The following DTNA variants were observed in gnomAD, a reference collection of about 807,000 sequenced individuals.
The protein encoded by DTNA is dystrophin-related protein 3.
Under a neutral mutation model 100.7 loss-of-function variants are expected in DTNA, and 43 were observed. That is an observed-to-expected ratio of 0.43 (90% CI 0.33 to 0.55). The LOEUF (loss-of-function observed/expected upper bound fraction) is 0.55. Ranked by LOEUF, DTNA falls within the 20% of genes least tolerant of loss-of-function variation. DTNA has a pLI of 0.04. For synonymous variants in DTNA, 349 were observed against 347.9 expected, an observed-to-expected ratio of 1.00 and a Z score of -0.04; for missense variants, 798 against 953.9, an observed-to-expected ratio of 0.84 and a Z score of 2.15.
intron 8 of DTNA, 46 bp from the exon 9 acceptor site, chr18:34,820,745 C>T (rs764409554): frequency 1.2e-6 from 2 of 1,611,858 alleles, no homozygotes; most frequent in South Asian, 2.2e-5. Context: ...TAAAATATTA[C>T]ATAAATATTA....
chr18:34,508,812 AT>A (rs1178178162), intron 1 of DTNA, among the ~76,000 whole-genome samples: 1 of 152,148 alleles, frequency 6.6e-6, no homozygotes, highest in African/African-American at 2.4e-5. Context: ...ACTGTGTATA[AT>A]TTTTTAAGCT....
chr18:34,804,901 T>G (rs2095321726), intron 4 of DTNA, among the ~76,000 whole-genome samples: 1 of 152,132 alleles, frequency 6.6e-6, no homozygotes, highest in Non-Finnish European at 1.5e-5. Flanking sequence ...CAGTGATAAA[T>G]AACAAATGAT....
intron 15 of DTNA, among the ~76,000 whole-genome samples, chr18:34,858,019 T>C (rs1396191717): frequency 1.3e-5 from 2 of 152,176 alleles, no homozygotes; most frequent in African/African-American, 2.4e-5. Context: ...TGGACCCTGG[T>C]GATTTAACTC....
intron 1 of DTNA, among the ~76,000 whole-genome samples, chr18:34,536,866 T>C (rs1395217653): frequency 2.0e-5 from 3 of 151,950 alleles, no homozygotes. Flanking sequence ...AGCAAAAATA[T>C]TCTCCTTTGT....
chr18:34,732,392 G>A (rs1471528003), intron 1 of DTNA, among the ~76,000 whole-genome samples: 1 of 152,182 alleles, frequency 6.6e-6, no homozygotes, highest in African/African-American at 2.4e-5. Context: ...TGCCAAGACA[G>A]CGTGATCCAA....
At chr18:34,847,197 G>T (rs1023943835) in intron 13 of DTNA, among the ~76,000 whole-genome samples, 1 of 152,126 alleles carries the variant, frequency 6.6e-6, no homozygotes, top group African/African-American at 2.4e-5. Context: ...AAATATGGAA[G>T]AATTAGTAAC....
intron 1 of DTNA, among the ~76,000 whole-genome samples, chr18:34,558,640 C>A (rs773121277): frequency 6.6e-6 from 1 of 152,004 alleles, no homozygotes; most frequent in Non-Finnish European, 1.5e-5. Context: ...TTGGAGTAGG[C>A]TGGGAATAGG....
intron 4 of DTNA, among the ~76,000 whole-genome samples, chr18:34,794,788 G>A (rs2094899166): frequency 6.6e-6 from 1 of 152,146 alleles, no homozygotes; most frequent in African/African-American, 2.4e-5. Context: ...GACCACAACT[G>A]AAGCTCAGCT....
intron 1 of DTNA, among the ~76,000 whole-genome samples, chr18:34,514,708 T>C (rs2041422777): frequency 6.6e-6 from 1 of 152,234 alleles, no homozygotes; most frequent in South Asian, 2.1e-4. Context: ...AGGTCCTGTT[T>C]ACTGGCTCAT....
chr18:34,681,695 AACAC>A (rs71813996), intron 1 of DTNA, among the ~76,000 whole-genome samples: 12,439 of 142,806 alleles, frequency 0.087, 530 homozygotes, highest in South Asian at 0.1. Flanking sequence ...CCCTATACAC[AACAC>A]ACACACACAC....
chr18:34,788,857 A>G (rs1386974781), intron 3 of DTNA, among the ~76,000 whole-genome samples: 1 of 152,184 alleles, frequency 6.6e-6, no homozygotes, highest in Non-Finnish European at 1.5e-5. Flanking sequence ...GGACTCACAG[A>G]TCTTATAAAT....
intron 1 of DTNA, among the ~76,000 whole-genome samples, chr18:34,698,919 T>C (rs2080982247): frequency 6.6e-6 from 1 of 151,592 alleles, no homozygotes; most frequent in African/African-American, 2.4e-5. Context: ...CCAGGAACAA[T>C]ACTTTGCATC....
chr18:34,884,598 A>T, intron 21 of DTNA, 130 bp from the exon 22 acceptor site: 1 of 1,007,434 alleles, frequency 9.9e-7, no homozygotes, highest in Non-Finnish European at 1.6e-6. Context: ...TTGGAACGCT[A>T]CTCTCACTCA....
At chr18:34,534,482 TA>T (rs1306719904) in intron 1 of DTNA, among the ~76,000 whole-genome samples, 7 of 152,024 alleles carry the variant, frequency 4.6e-5, no homozygotes, top group Non-Finnish European at 1.5e-5. Context: ...TCAAGCATTT[TA>T]TTTTTTTTTA....
chr18:34,820,646 G>T, intron 8 of DTNA, 145 bp from the exon 9 acceptor site: 1 of 1,322,364 alleles, frequency 7.6e-7, no homozygotes. Context: ...TCTTTTCCGA[G>T]CATTGAGCAA....
intron 1 of DTNA, among the ~76,000 whole-genome samples, chr18:34,684,766 A>G (rs986311950): frequency 2.6e-5 from 4 of 152,194 alleles, no homozygotes; most frequent in African/African-American, 9.6e-5. Context: ...TCCCACCAAT[A>G]GTGTAAAAGC....
intron 20 of DTNA, among the ~76,000 whole-genome samples, chr18:34,881,325 C>T (rs1219077059): frequency 1.3e-5 from 2 of 151,888 alleles, no homozygotes; most frequent in Non-Finnish European, 2.9e-5. Flanking sequence ...ATGTCCAGCC[C>T]CATGAAAAGC....
At chr18:34,819,352 A>G (rs1249280696) in intron 8 of DTNA, among the ~76,000 whole-genome samples, 1 of 152,228 alleles carries the variant, frequency 6.6e-6, no homozygotes, top group African/African-American at 2.4e-5. Context: ...GAATTCAAGC[A>G]ACAGTTCTTC....
At chr18:34,538,946 A>T (rs1442833733) in intron 1 of DTNA, among the ~76,000 whole-genome samples, 2 of 151,946 alleles carry the variant, frequency 1.3e-5, no homozygotes, top group Non-Finnish European at 2.9e-5. Flanking sequence ...AGAGACACTA[A>T]TGAATAGTAA....
Sources: allele counts gnomAD v4.1 joint callset (sites outside exome capture counted in the v4.1 genomes callset), GRCh38; gene constraint gnomAD v4.1.1; transcripts MANE v1.5; gene names NCBI Gene and HGNC (gene_info 2026-07-23, HGNC 2026-07-21).